The following MYO3A variants were observed in gnomAD, a reference collection of about 807,000 sequenced individuals.
MYO3A encodes the protein myosin IIIA, also known as myosin-IIIa.
In MYO3A, 180 loss-of-function variants were observed where a neutral mutation model predicts 192.7. That is an observed-to-expected ratio of 0.93 (90% confidence interval 0.83 to 1.06). The LOEUF is 1.06. Among genes scored for constraint, MYO3A ranks in the 50% least tolerant of loss-of-function variants. The pLI is 0.00. For missense variants in MYO3A, 1,896 were observed against 1,905.0 expected (o/e 1.00, Z 0.09); for synonymous variants, 628 against 645.3 (o/e 0.97, Z 0.41).
At chr10:26,025,752 T>C (rs1163401983) in intron 9 of MYO3A, among the ~76,000 whole-genome samples, 1 of 152,198 alleles carries the variant, frequency 6.6e-6, no homozygotes, top group Non-Finnish European at 1.5e-5. Context: ...TTTCAGGTGC[T>C]CTCACTAGTC....
At chr10:26,072,260 T>C (rs1835251829) in intron 14 of MYO3A, among the ~76,000 whole-genome samples, 1 of 152,138 alleles carries the variant, frequency 6.6e-6, no homozygotes, top group Admixed American at 6.5e-5. Context: ...GATGAGATTT[T>C]GGTGGGGACA....
In MYO3A at chr10:25,940,422, T is replaced by G. The variant is rs554709446; in HGVS notation, c.-18+4592T>G. 2.0e-5 allele frequency among the ~76,000 whole-genome samples: 3 copies of G among 152,250 alleles called. No homozygotes were observed. The East Asian group carries it at 5.8e-4, about 29-fold the overall frequency. ...AGTTATTTCTAACTGCTTCCTGAAC[T>G]ATATGAGGAACGTAGAACATTTTAA... is the stretch of plus-strand genomic sequence containing the variant. On this transcript the variant is annotated intron_variant, in intron 2 of 34. Coordinates refer to ENST00000642920, the MANE Select transcript of MYO3A (RefSeq NM_017433.5).
At chr10:26,078,286 G>A (rs1025082690) in intron 14 of MYO3A, among the ~76,000 whole-genome samples, 5 of 151,818 alleles carry the variant, frequency 3.3e-5, no homozygotes, top group Non-Finnish European at 7.4e-5. Flanking sequence ...GTTTATGTGT[G>A]TAAAGGTGTT....
chr10:26,207,069 G>GT (rs370958381), intron 34 of MYO3A, among the ~76,000 whole-genome samples: 4,899 of 147,206 alleles, frequency 0.033, 198 homozygotes, highest in Admixed American at 0.082. Context: ...TTCTGTTTGG[G>GT]TTTTTTTTTT....
chr10:26,068,716 A>G (rs756373302), intron 11 of MYO3A, 52 bp from the exon 12 acceptor site: 53 of 1,182,758 alleles, frequency 4.5e-5, no homozygotes, highest in Non-Finnish European at 6.2e-5. Context: ...TTTAAATTGT[A>G]GTTGACCACA....
intron 6 of MYO3A, among the ~76,000 whole-genome samples, chr10:26,009,999 A>G (rs560537323): frequency 2.6e-5 from 4 of 152,228 alleles, no homozygotes; most frequent in East Asian, 1.9e-4. Flanking sequence ...GCTAAGGTCC[A>G]GTACTGGACA....
intron 7 of MYO3A, among the ~76,000 whole-genome samples, chr10:26,018,629 G>A (rs1842108684): frequency 6.6e-6 from 1 of 152,126 alleles, no homozygotes; most frequent in Admixed American, 6.5e-5. Flanking sequence ...CCTCTGCCAG[G>A]ATGAAGGTAA....
At chr10:25,951,030 G>A (rs1403145228) in intron 2 of MYO3A, among the ~76,000 whole-genome samples, 3 of 152,030 alleles carry the variant, frequency 2.0e-5, no homozygotes, top group East Asian at 3.8e-4. Flanking sequence ...AACATAAAAT[G>A]TCCTTTATAA....
At chr10:26,108,778 T>A (rs1837985024) in intron 17 of MYO3A, among the ~76,000 whole-genome samples, 1 of 152,236 alleles carries the variant, frequency 6.6e-6, no homozygotes, top group Non-Finnish European at 1.5e-5. Flanking sequence ...GCTGCAGGCT[T>A]ACAGGAGGTG....
intron 27 of MYO3A, 95 bp downstream of exon 27, chr10:26,166,273 T>A: frequency 1.8e-6 from 2 of 1,105,558 alleles, no homozygotes; most frequent in East Asian, 2.4e-5. Context: ...ATGGTTTTTT[T>A]ATGTTATAGA....
intron 10 of MYO3A, among the ~76,000 whole-genome samples, chr10:26,036,573 T>G (rs770757144): frequency 2.6e-5 from 4 of 152,176 alleles, no homozygotes; most frequent in Non-Finnish European, 5.9e-5. Flanking sequence ...ACTCTCAGAC[T>G]TTTTTTAGCC....
intron 4 of MYO3A, among the ~76,000 whole-genome samples, chr10:25,971,151 A>C (rs1411333037): frequency 1.3e-5 from 2 of 152,068 alleles, no homozygotes; most frequent in Non-Finnish European, 2.9e-5. Flanking sequence ...ACAAGTATTT[A>C]ATTATAGTTT....
At chr10:26,026,208 G>A (rs961616344) in intron 9 of MYO3A, among the ~76,000 whole-genome samples, 169 bp from the exon 10 acceptor site, 1 of 152,200 alleles carries the variant, frequency 6.6e-6, no homozygotes, top group African/African-American at 2.4e-5. Flanking sequence ...TCATATTGCA[G>A]TTAGCTATTT....
intron 20 of MYO3A, among the ~76,000 whole-genome samples, chr10:26,139,370 G>A (rs1409657548): frequency 6.6e-6 from 1 of 151,816 alleles, no homozygotes; most frequent in African/African-American, 2.4e-5. Context: ...CTCCCAAGTA[G>A]CTGGGATTAC....
chr10:26,087,048 A>G (rs139390303), intron 14 of MYO3A, among the ~76,000 whole-genome samples: 144 of 152,278 alleles, frequency 9.5e-4, no homozygotes, highest in African/African-American at 3.4e-3. Context: ...TATGTCCTTG[A>G]TAAGGATTTA....
chr10:25,987,988 T>A (rs1588709621), intron 4 of MYO3A, among the ~76,000 whole-genome samples: 1 of 151,280 alleles, frequency 6.6e-6, no homozygotes, highest in East Asian at 1.9e-4. Context: ...AAAGAAAATG[T>A]GATATATATA....
In MYO3A at chr10:25,983,478, C is replaced by T. The variant is rs185801962; in HGVS notation, c.304-13012C>T. On this transcript the variant is annotated intron_variant, in intron 4 of 34. Coordinates refer to ENST00000642920, the MANE Select transcript of MYO3A (RefSeq NM_017433.5). ...TTCACCGTGTTATCCAGGATGGTCT[C>T]GATCTCCTGACCTTGTGATCCACCC... Among the ~76,000 whole-genome samples the T allele has an allele frequency of 5.2e-3, 786 of 152,050 alleles. 8 individuals are homozygous for T. The highest frequency in any genetic ancestry group is 0.018 in the African/African-American group (733 of 41,496).
intron 31 of MYO3A, among the ~76,000 whole-genome samples, chr10:26,177,856 A>G (rs1035269974): frequency 6.6e-6 from 1 of 152,242 alleles, no homozygotes; most frequent in Non-Finnish European, 1.5e-5. Context: ...ACTAAGATGC[A>G]CTTGGCTATT....
In MYO3A at chr10:26,035,198, C is replaced by T. The variant is rs144706193; in HGVS notation, c.953+8666C>T. On this transcript the variant is annotated intron_variant, in intron 10 of 34. Transcript: ENST00000642920. ...AAAAGAAATAATAACTTACCCTTTCCTGTCTTAAATATTTCCTTATGTCAG... is the reference window on the plus strand; with the variant it reads ...AAAAGAAATAATAACTTACCCTTTCTTGTCTTAAATATTTCCTTATGTCAG... 1.5e-3 allele frequency among the ~76,000 whole-genome samples: 230 copies of T among 152,248 alleles called. 1 individual carries two copies. Among genetic ancestry groups the T allele is most frequent in the African/African-American group, 5.3e-3 (221 of 41,556 alleles).
Sources: allele counts gnomAD v4.1 joint callset (sites outside exome capture counted in the v4.1 genomes callset), GRCh38; gene constraint gnomAD v4.1.1; transcripts MANE v1.5; gene names NCBI Gene and HGNC (gene_info 2026-07-23, HGNC 2026-07-21).